The following PABIR3 variants were observed in gnomAD, a reference collection of about 807,000 sequenced individuals.
PABIR3 encodes the protein PABIR family member 3.
In PABIR3, 20 loss-of-function variants were observed where a neutral mutation model predicts 23.1. The observed-to-expected ratio is 0.86, with a 90% CI of 0.61 to 1.26. The LOEUF (loss-of-function observed/expected upper bound fraction) is 1.26, where lower values mean the gene tolerates loss of function less well. PABIR3 is among the 50% of genes most tolerant of loss of function. The pLI, the probability that PABIR3 is intolerant of heterozygous loss-of-function variation, is 0.00. For missense variants in PABIR3, 189 were observed against 195.4 expected (o/e 0.97, Z 0.20); for synonymous variants, 69 against 68.5 (o/e 1.01, Z -0.04).
At chrX:134,807,467 C>G in intron 1 of PABIR3, 73 bp from the exon 2 acceptor site, 1 of 1,120,729 alleles carries the variant, frequency 8.9e-7, no homozygotes, top group Non-Finnish European at 1.2e-6. Context: ...CACCCCTACT[C>G]GCCTAAGAGC....
Position 134,829,218 on chromosome X carries a change from A to G in PABIR3, c.190-8A>G. Reference sequence around the variant, plus strand: ...AAGCAAGCTTGACTTCTATATTTTAAATTTCAGTTGTTGCCACCTCCTCCC... The same window carrying G: ...AAGCAAGCTTGACTTCTATATTTTAGATTTCAGTTGTTGCCACCTCCTCCC... On this transcript the variant is annotated splice_polypyrimidine_tract_variant and splice_region_variant and intron_variant, in intron 3 of 10. Transcript: ENST00000645433. 8.3e-7 allele frequency: 1 copy of G among 1,202,575 alleles called. No individual in the cohort carries two copies. Among genetic ancestry groups the G allele is most frequent in the Non-Finnish European group, 1.1e-6 (1 of 888,007 alleles).
intron 10 of PABIR3, among the ~76,000 whole-genome samples, 188 bp from the exon 11 acceptor site, chrX:134,853,903 C>T (rs2082718762): frequency 8.9e-6 from 1 of 112,183 alleles, no homozygotes; most frequent in African/African-American, 3.2e-5. Context: ...CAGGCATAAG[C>T]CACCACACCT....
Position 134,831,062 on chromosome X carries a change from CT to C in PABIR3, c.246+1792del, listed in dbSNP as rs1057359709. Among the ~76,000 whole-genome samples the C allele has an allele frequency of 3.4e-3, 350 of 102,939 alleles. 1 individual carries two copies. The highest frequency in any genetic ancestry group is 0.01 in the African/African-American group (291 of 28,549). 89.4% of individuals were successfully genotyped at this position (102,939 alleles called of 115,157 possible). On this transcript the variant is annotated intron_variant, in intron 4 of 10. Transcript: ENST00000645433. Reference sequence around the variant, plus strand: ...GATAGATATCTTAAGTTGCATATTTCTTTTTTTTTTTTCTTTGTTTTTGAGA... The same window carrying C: ...GATAGATATCTTAAGTTGCATATTTCTTTTTTTTTTTCTTTGTTTTTGAGA...
At chrX:134,811,882 G>A (rs2148130408) in intron 2 of PABIR3, among the ~76,000 whole-genome samples, 1 of 112,401 alleles carries the variant, frequency 8.9e-6, no homozygotes, top group East Asian at 2.8e-4. Context: ...GCAGAACTGA[G>A]GAGTTGCAAC....
downstream of PABIR3, among the ~76,000 whole-genome samples, chrX:134,855,128 T>C (rs1003704893): frequency 9.1e-6 from 1 of 109,722 alleles, no homozygotes; most frequent in Non-Finnish European, 1.9e-5. Context: ...ATAGGAAAAA[T>C]TATGTGTTAA....
intron 4 of PABIR3, chrX:134,831,547 C>CT (rs1195774139): frequency 4.5e-5 from 5 of 111,443 alleles, no homozygotes; most frequent in African/African-American, 1.6e-4. Flanking sequence ...TATTGGCTAT[C>CT]TCATAGAATC....
intron 4 of PABIR3, among the ~76,000 whole-genome samples, chrX:134,841,839 T>A (rs1022304549): frequency 1.1e-4 from 12 of 108,940 alleles, no homozygotes; most frequent in Non-Finnish European, 1.9e-4. Flanking sequence ...CAAAAAAAAA[T>A]AAAAATAAAA....
At chrX:134,813,573 CTG>C (rs2080795987) in intron 2 of PABIR3, among the ~76,000 whole-genome samples, 1 of 111,689 alleles carries the variant, frequency 9.0e-6, no homozygotes, top group Non-Finnish European at 1.9e-5. Flanking sequence ...TGTGAACCAT[CTG>C]TATTCTTTTT....
chrX:134,821,144 G>A (rs943865560), intron 3 of PABIR3, among the ~76,000 whole-genome samples: 1 of 98,608 alleles, frequency 1.0e-5, no homozygotes, highest in Admixed American at 1.2e-4. Flanking sequence ...AGGTAAAACC[G>A]TGTTTTAGAA....
intron 2 of PABIR3, among the ~76,000 whole-genome samples, chrX:134,814,203 G>A (rs2080838658): frequency 9.0e-6 from 1 of 111,193 alleles, no homozygotes; most frequent in South Asian, 3.7e-4. Flanking sequence ...CACTGAAAAT[G>A]ATGTATTTCC....
chrX:134,834,899 A>G (rs1028455960), intron 4 of PABIR3, among the ~76,000 whole-genome samples: 5 of 111,406 alleles, frequency 4.5e-5, no homozygotes, highest in African/African-American at 1.6e-4. Context: ...ACCATGCTGT[A>G]AAACAGCATT....
At chrX:134,836,387 T>A (rs1378129690) in intron 4 of PABIR3, among the ~76,000 whole-genome samples, 1 of 112,885 alleles carries the variant, frequency 8.9e-6, no homozygotes, top group East Asian at 2.8e-4. Flanking sequence ...TTTGTATATT[T>A]GCTCAGGCTG....
intron 3 of PABIR3, among the ~76,000 whole-genome samples, chrX:134,827,792 C>T (rs1437238952): frequency 9.1e-6 from 1 of 109,355 alleles, no homozygotes; most frequent in Non-Finnish European, 1.9e-5. Flanking sequence ...GTCCTCCCTC[C>T]TCTTCTCTAT....
At chrX:134,821,570 A>G (rs943878087) in intron 3 of PABIR3, 1 of 1,147,570 alleles carries the variant, frequency 8.7e-7, no homozygotes. Context: ...CATCTTCCTA[A>G]GAGAAAAGGT....
downstream of PABIR3, among the ~76,000 whole-genome samples, chrX:134,857,702 A>G (rs1603252331): frequency 9.0e-6 from 1 of 111,321 alleles, no homozygotes; most frequent in South Asian, 3.8e-4. Context: ...AAGTATTCCT[A>G]TTTTACTTAT....
the PABIR3 span, among the ~76,000 whole-genome samples, chrX:134,863,898 T>C: frequency 8.9e-6 from 1 of 111,776 alleles, no homozygotes; most frequent in African/African-American, 3.2e-5. Context: ...TATGGGCCTG[T>C]GTGCTTAGTT....
chrX:134,835,596 G>C (rs1473267869), intron 4 of PABIR3: 2 of 111,329 alleles, frequency 1.8e-5, no homozygotes, highest in Non-Finnish European at 3.8e-5. Flanking sequence ...TCTAAACACA[G>C]TTATTATTCC....
At chrX:134,864,706 C>T in the PABIR3 span, among the ~76,000 whole-genome samples, 1 of 112,120 alleles carries the variant, frequency 8.9e-6, no homozygotes, top group Non-Finnish European at 1.9e-5. Context: ...TTTATCCATT[C>T]ATGTGTTGAT....
At chrX:134,848,064 C>A in intron 8 of PABIR3, 93 bp downstream of exon 8, 3 of 751,747 alleles carry the variant, frequency 4.0e-6, no homozygotes, top group Non-Finnish European at 5.7e-6. Context: ...TTGTGCCAAC[C>A]AAAGAAGTGA....
Sources: allele counts gnomAD v4.1 joint callset (sites outside exome capture counted in the v4.1 genomes callset), GRCh38; gene constraint gnomAD v4.1.1; transcripts MANE v1.5; gene names NCBI Gene and HGNC (gene_info 2026-07-23, HGNC 2026-07-21).